RIMS1: variants seen among roughly 807,000 people sequenced by gnomAD.
The protein encoded by RIMS1 is regulating synaptic membrane exocytosis 1.
A neutral mutation model predicts 214.1 loss-of-function variants in RIMS1; 83 were observed. The observed-to-expected ratio is 0.39, with a 90% CI of 0.32 to 0.47. The LOEUF (loss-of-function observed/expected upper bound fraction) is 0.47. Among genes scored for constraint, RIMS1 ranks in the 20% least tolerant of loss-of-function variants. The pLI is 0.99. For synonymous variants in RIMS1, 793 were observed against 786.8 expected (o/e 1.01, Z -0.13); for missense variants, 2,050 against 2,161.8 (o/e 0.95, Z 1.03).
chr6:72,308,932 G>T (rs2154288347), intron 27 of RIMS1, among the ~76,000 whole-genome samples: 1 of 152,310 alleles, frequency 6.6e-6, no homozygotes. Context: ...AATGCAGTGA[G>T]AATTAGAAGG....
At chr6:72,257,492 G>A (rs1390070832) in intron 16 of RIMS1, among the ~76,000 whole-genome samples, 1 of 151,946 alleles carries the variant, frequency 6.6e-6, no homozygotes, top group East Asian at 1.9e-4. Context: ...CTTCAGAAGG[G>A]TGCATTTTCT....
rs527556732 is a variant in RIMS1, at chr6:72,079,633, C to A, written c.246-17316C>A. On this transcript the variant is annotated intron_variant, in intron 2 of 33. Transcript: ENST00000521978. ...GTGAGGTGGCTCATGCCTGTAATCC[C>A]AGCATTTTAGGAGGCCAAGGCAGGA... Among the ~76,000 whole-genome samples, 30 of 152,202 alleles carry A rather than the reference C, an allele frequency of 2.0e-4. 1 individual carries two copies. In the South Asian group the frequency reaches 5.8e-3, roughly 30 times the overall value.
chr6:72,335,265 T>C (rs2096800659), intron 29 of RIMS1, among the ~76,000 whole-genome samples: 1 of 152,138 alleles, frequency 6.6e-6, no homozygotes, highest in East Asian at 2.0e-4. Context: ...GTGTGTGATG[T>C]TCCCTTCCCT....
chr6:72,347,372 T>A (rs2097301937), intron 29 of RIMS1, among the ~76,000 whole-genome samples: 1 of 149,830 alleles, frequency 6.7e-6, no homozygotes, highest in Non-Finnish European at 1.5e-5. Flanking sequence ...TTGGAAGAGT[T>A]TTCTGTATTC....
chr6:72,056,881 G>A (rs1216079179), intron 2 of RIMS1, among the ~76,000 whole-genome samples: 1 of 152,170 alleles, frequency 6.6e-6, no homozygotes, highest in Non-Finnish European at 1.5e-5. Flanking sequence ...AAGCTAATTT[G>A]CACACCTAGA....
chr6:72,377,574 G>A (rs955713842), intron 29 of RIMS1, among the ~76,000 whole-genome samples: 1 of 152,116 alleles, frequency 6.6e-6, no homozygotes, highest in Non-Finnish European at 1.5e-5. Context: ...GAACAGAGTA[G>A]GGCCCCAAGC....
chr6:72,052,850 A>T (rs961140417), intron 2 of RIMS1, among the ~76,000 whole-genome samples: 1 of 152,162 alleles, frequency 6.6e-6, no homozygotes, highest in Non-Finnish European at 1.5e-5. Flanking sequence ...GTTTTTTGTC[A>T]GTTTACACTT....
intron 2 of RIMS1, among the ~76,000 whole-genome samples, chr6:71,970,242 G>T (rs1293450345): frequency 6.6e-6 from 1 of 152,132 alleles, no homozygotes; most frequent in African/African-American, 2.4e-5. Context: ...CTTGGAAGAA[G>T]TACTTTAAAT....
chr6:71,972,787 CAAAT>C (rs1486551206), intron 2 of RIMS1, among the ~76,000 whole-genome samples: 7 of 152,024 alleles, frequency 4.6e-5, no homozygotes, highest in Non-Finnish European at 7.4e-5. Flanking sequence ...GATAGATAAT[CAAAT>C]AAATTATAAT....
intron 4 of RIMS1, among the ~76,000 whole-genome samples, chr6:72,111,401 G>A (rs576962968): frequency 5.3e-5 from 8 of 152,198 alleles, no homozygotes; most frequent in Non-Finnish European, 7.4e-5. Context: ...ACAAAATTTT[G>A]TTGATAGCAG....
chr6:72,188,801 G>A (rs1395797841), intron 6 of RIMS1, among the ~76,000 whole-genome samples: 5 of 152,128 alleles, frequency 3.3e-5, no homozygotes, highest in South Asian at 2.1e-4. Context: ...ACTAAGAGAC[G>A]CCCTAAGGGA....
intron 11 of RIMS1, among the ~76,000 whole-genome samples, chr6:72,246,921 TTTTTTATCACTAAATG>T (rs1286774649): frequency 6.6e-6 from 1 of 152,190 alleles, no homozygotes; most frequent in Non-Finnish European, 1.5e-5. Context: ...TATATAGCTG[TTTTTTATCACTAAATG>T]TTTTCGGAGG....
intron 2 of RIMS1, among the ~76,000 whole-genome samples, chr6:72,065,010 G>T (rs984696529): frequency 6.6e-6 from 1 of 152,112 alleles, no homozygotes. Flanking sequence ...TAGTATGAAG[G>T]TTATTTATTT....
chr6:71,894,151 T>C (rs1043616600), intron 1 of RIMS1, among the ~76,000 whole-genome samples: 1 of 152,222 alleles, frequency 6.6e-6, no homozygotes, highest in African/African-American at 2.4e-5. Flanking sequence ...TTTCTGAGAA[T>C]GAGGTATTAT....
At chr6:72,135,744 T>C (rs1056576283) in intron 4 of RIMS1, among the ~76,000 whole-genome samples, 6 of 152,134 alleles carry the variant, frequency 3.9e-5, no homozygotes, top group Non-Finnish European at 7.4e-5. Flanking sequence ...AATTGAGAAA[T>C]GTTTTTGCGG....
chr6:72,066,193 G>T (rs1027930820), intron 2 of RIMS1, among the ~76,000 whole-genome samples: 2 of 152,280 alleles, frequency 1.3e-5, no homozygotes, highest in African/African-American at 4.8e-5. Flanking sequence ...CATATCTACA[G>T]ATTTCAATAT....
At chr6:71,904,284 A>G (rs764942048) in intron 1 of RIMS1, among the ~76,000 whole-genome samples, 13 of 152,120 alleles carry the variant, frequency 8.5e-5, no homozygotes, top group Non-Finnish European at 1.9e-4. Flanking sequence ...CAAGACGCTT[A>G]TTAGGGAGTA....
In RIMS1 at chr6:72,287,118, C is replaced by G. The variant is rs543747402; in HGVS notation, c.3554+3000C>G. ...TCTGCATTCCATTCTAGTGACTTTT[C>G]TTCCTGTAGAAACTACACTCTACAT... On this transcript the variant is annotated intron_variant, in intron 24 of 33. Transcript: ENST00000521978. Among the ~76,000 whole-genome samples the G allele has an allele frequency of 2.6e-5, 4 of 152,290 alleles. No individual in the cohort carries two copies. The South Asian group carries it at 8.3e-4, about 32-fold the overall frequency.
At chr6:72,312,623 T>A (rs1265280536) in intron 27 of RIMS1, among the ~76,000 whole-genome samples, 1 of 152,064 alleles carries the variant, frequency 6.6e-6, no homozygotes, top group Non-Finnish European at 1.5e-5. Context: ...TAATGTACAA[T>A]GAAATTTTAA....
Sources: gnomAD v4.1 joint callset for allele counts (sites outside exome capture counted in the v4.1 genomes callset) on GRCh38, gnomAD v4.1.1 for gene constraint, MANE v1.5 for transcripts, NCBI Gene and HGNC (gene_info 2026-07-23, HGNC 2026-07-21) for gene names.